The following RNF220 variants were observed in gnomAD, a reference collection of about 807,000 sequenced individuals.
RNF220 encodes the protein ring finger protein 220, also known as E3 ubiquitin-protein ligase RNF220.
A neutral mutation model predicts 67.1 loss-of-function variants in RNF220; 7 were observed. The ratio of observed to expected loss-of-function variants is 0.10; its 90% CI spans 0.06 to 0.20. The LOEUF (loss-of-function observed/expected upper bound fraction) is 0.20. RNF220 is among the 10% of genes least tolerant of loss of function. The probability of loss-of-function intolerance (pLI) is 1.00; values close to 1 mark genes in which losing one functional copy is unlikely to be tolerated. For synonymous variants in RNF220, 270 were observed against 283.2 expected, an observed-to-expected ratio of 0.95 and a Z score of 0.47; for missense variants, 565 against 740.3, an observed-to-expected ratio of 0.76 and a Z score of 2.75.
intron 2 of RNF220, among the ~76,000 whole-genome samples, chr1:44,502,529 T>C (rs765486734): frequency 4.6e-5 from 7 of 152,206 alleles, no homozygotes; most frequent in Non-Finnish European, 8.8e-5. Context: ...AATAATTTGC[T>C]CAGCATTCCT....
intron 2 of RNF220, among the ~76,000 whole-genome samples, chr1:44,522,949 G>T (rs140064942): frequency 6.6e-6 from 1 of 152,324 alleles, no homozygotes; most frequent in East Asian, 1.9e-4. Context: ...TTGGAGCTTG[G>T]CAGTCACAAC....
chr1:44,571,845 C>G (rs1285742061), intron 2 of RNF220, among the ~76,000 whole-genome samples: 2 of 152,198 alleles, frequency 1.3e-5, no homozygotes, highest in Non-Finnish European at 2.9e-5. Context: ...AATGGCACCA[C>G]AATCTTAAAT....
intron 2 of RNF220, among the ~76,000 whole-genome samples, chr1:44,583,178 A>G (rs1665439853): frequency 1.3e-5 from 2 of 151,964 alleles, no homozygotes; most frequent in Non-Finnish European, 2.9e-5. Context: ...AAAATGATGA[A>G]TATCAGTTTC....
intron 2 of RNF220, among the ~76,000 whole-genome samples, chr1:44,553,228 G>A (rs1662809362): frequency 6.6e-6 from 1 of 151,926 alleles, no homozygotes; most frequent in Non-Finnish European, 1.5e-5. Context: ...TCTTGTAATT[G>A]CCTCCCTGCT....
chr1:44,487,975 T>A (rs934956363), intron 2 of RNF220, among the ~76,000 whole-genome samples: 1 of 5,070 alleles, frequency 2.0e-4, no homozygotes, highest in African/African-American at 2.2e-4. Context: ...GGCACTGCGA[T>A]TTTTTTTTTT....
At chr1:44,647,404 G>C (rs1644682746) in intron 12 of RNF220, among the ~76,000 whole-genome samples, 1 of 152,188 alleles carries the variant, frequency 6.6e-6, no homozygotes, top group Non-Finnish European at 1.5e-5. Flanking sequence ...CAAAATGCCA[G>C]GGAAGGAGCC....
chr1:44,438,906 A>G (rs1298402893), intron 2 of RNF220, among the ~76,000 whole-genome samples: 1 of 152,242 alleles, frequency 6.6e-6, no homozygotes, highest in East Asian at 1.9e-4. Flanking sequence ...CATTTATTAC[A>G]GATACTACTG....
intron 2 of RNF220, among the ~76,000 whole-genome samples, chr1:44,456,786 G>T (rs1004601740): frequency 9.9e-5 from 15 of 152,078 alleles, no homozygotes; most frequent in Admixed American, 2.6e-4. Context: ...TATTGCCATG[G>T]CCTGCACAGT....
intron 2 of RNF220, among the ~76,000 whole-genome samples, chr1:44,460,506 G>C (rs142806475): frequency 1.5e-3 from 221 of 152,328 alleles, no homozygotes; most frequent in African/African-American, 5.1e-3. Flanking sequence ...AAATATGTCA[G>C]TAGGCTGATT....
At chr1:44,552,563 C>CTTTTTT (rs368891059) in intron 2 of RNF220, among the ~76,000 whole-genome samples, 3,042 of 71,328 alleles carry the variant, frequency 0.043, 373 homozygotes, top group Middle Eastern at 0.067. Flanking sequence ...TTCTAAACTT[C>CTTTTTT]TTCTTTTTTT....
In RNF220 at chr1:44,622,410, G is replaced by T. The variant is rs549375147; in HGVS notation, c.759-332G>T. On this transcript the variant is annotated intron_variant, in intron 3 of 14. Transcript: ENST00000361799. The surrounding 1 kb of genome is among the most constrained non-coding windows in gnomAD (Gnocchi z 4.3). ...CTGGGAACAGGGGGTGGAGAGAAGG[G>T]GGTCTCCAGGACAGGCAGAATCTTC... Among the ~76,000 whole-genome samples, 14 of 152,280 alleles carry T rather than the reference G, an allele frequency of 9.2e-5. No homozygotes were observed. In the South Asian group the frequency reaches 2.5e-3, roughly 27 times the overall value.
At chr1:44,567,185 C>G (rs1480154266) in intron 2 of RNF220, among the ~76,000 whole-genome samples, 2 of 152,092 alleles carry the variant, frequency 1.3e-5, no homozygotes, top group Admixed American at 1.3e-4. Context: ...TGCTCTTGCT[C>G]ATGGACTCTG....
intron 12 of RNF220, among the ~76,000 whole-genome samples, chr1:44,647,202 G>A (rs756278742): frequency 6.6e-6 from 1 of 152,218 alleles, no homozygotes; most frequent in Non-Finnish European, 1.5e-5. Context: ...GGGTTTGGGA[G>A]TTAGTTCTCC....
intron 2 of RNF220, among the ~76,000 whole-genome samples, chr1:44,413,896 A>G (rs1387445245): frequency 2.6e-5 from 4 of 152,112 alleles, no homozygotes; most frequent in African/African-American, 4.8e-5. Context: ...TGAATTAGGC[A>G]CTGTGTTAAC....
At chr1:44,585,843 C>T (rs893102958) in intron 2 of RNF220, among the ~76,000 whole-genome samples, 20 of 152,122 alleles carry the variant, frequency 1.3e-4, no homozygotes, top group Non-Finnish European at 1.5e-5. Context: ...ACCTTTAGGT[C>T]AGAGCATGGT....
intron 2 of RNF220, among the ~76,000 whole-genome samples, chr1:44,444,382 G>T (rs1160705330): frequency 2.0e-5 from 3 of 151,676 alleles, no homozygotes; most frequent in Admixed American, 2.0e-4. Context: ...CCATATTATT[G>T]CATGTAGTTA....
rs1431005034 is a variant in RNF220 at position 44,606,453 on chromosome 1, C to T, written c.626-7712C>T. Reference sequence around the variant, plus strand: ...TTTGGATGGATGACAGGTGGATGAACTGGAGGGTAGATGGTTGTGCTATGT... The same window carrying T: ...TTTGGATGGATGACAGGTGGATGAATTGGAGGGTAGATGGTTGTGCTATGT... On this transcript the variant is annotated intron_variant, in intron 2 of 14. Coordinates refer to ENST00000361799, the MANE Select transcript of RNF220 (RefSeq NM_018150.4). The surrounding 1 kb of genome is among the most constrained non-coding windows in gnomAD (Gnocchi z 4.2). Among the ~76,000 whole-genome samples, 1 of 152,178 alleles carries T rather than the reference C, an allele frequency of 6.6e-6. No individual in the cohort carries two copies. Among genetic ancestry groups the T allele is most frequent in the East Asian group, 1.9e-4 (1 of 5,206 alleles).
At chr1:44,592,921 G>A (rs561685444) in intron 2 of RNF220, among the ~76,000 whole-genome samples, 1 of 152,218 alleles carries the variant, frequency 6.6e-6, no homozygotes, top group South Asian at 2.1e-4. Context: ...AGGATAGGAC[G>A]CAGGGAGTGG....
intron 2 of RNF220, among the ~76,000 whole-genome samples, chr1:44,587,740 C>A (rs974895897): frequency 9.9e-5 from 15 of 152,158 alleles, no homozygotes; most frequent in African/African-American, 3.6e-4. Context: ...CCTTTGTTTC[C>A]TCTTCTGTAA....
Sources: gnomAD v4.1 joint callset for allele counts (sites outside exome capture counted in the v4.1 genomes callset) on GRCh38, gnomAD v4.1.1 for gene constraint, Gnocchi (gnomAD v3.1) non-coding constraint, MANE v1.5 for transcripts, NCBI Gene and HGNC (gene_info 2026-07-23, HGNC 2026-07-21) for gene names.